Variants in AKAP12 observed in about 807,000 individuals in gnomAD.
AKAP12 encodes the protein A-kinase anchoring protein 12, also known as A-kinase anchor protein 12.
A neutral mutation model predicts 79.9 loss-of-function variants in AKAP12; 32 were observed. The ratio of observed to expected loss-of-function variants is 0.40; its 90% CI spans 0.30 to 0.54. The LOEUF is 0.54. AKAP12 is among the 20% of genes least tolerant of loss of function. The pLI, the probability that AKAP12 is intolerant of heterozygous loss-of-function variation, is 0.48. For synonymous variants in AKAP12, 808 were observed against 857.0 expected, an observed-to-expected ratio of 0.94 and a Z score of 1.00; for missense variants, 2,074 against 2,177.0, an observed-to-expected ratio of 0.95 and a Z score of 0.94.
At chr6:151,332,041 T>G (rs1013186803) in intron 3 of AKAP12, among the ~76,000 whole-genome samples, 17 of 140,352 alleles carry the variant, frequency 1.2e-4, no homozygotes, top group South Asian at 2.4e-4. Flanking sequence ...CTGTTTTTTT[T>G]TTTTTTTTTT....
chr6:151,332,351 T>C (rs1254576480), intron 3 of AKAP12, among the ~76,000 whole-genome samples: 2 of 152,168 alleles, frequency 1.3e-5, no homozygotes, highest in Admixed American at 1.3e-4. Flanking sequence ...CTGCATCTTA[T>C]ATGCACTATA....
intron 2 of AKAP12, among the ~76,000 whole-genome samples, chr6:151,266,212 A>T (rs1776007393): frequency 6.6e-6 from 1 of 152,256 alleles, no homozygotes; most frequent in Admixed American, 6.5e-5. Flanking sequence ...AATGATTTAA[A>T]AAGTTAAAAG....
At position 151,358,044 on chromosome 6, in the gene AKAP12, CT is replaced by C. The variant is rs1718500743; in HGVS notation, c.*2331del. On this transcript the variant is annotated 3_prime_UTR_variant, in exon 5 of 5. Transcript: ENST00000402676. ...TATCTGGATGTGCCCAGAGTTACTTCTGTACAAGCTCTGTATCTATGTCCGT... is the reference window on the plus strand; with the variant it reads ...TATCTGGATGTGCCCAGAGTTACTTCGTACAAGCTCTGTATCTATGTCCGT... The C allele has an allele frequency of 6.6e-6, 1 of 152,160 alleles. No homozygotes were observed. Among genetic ancestry groups the C allele is most frequent in the African/African-American group, 2.4e-5 (1 of 41,422 alleles). The allele number at this position is 152,160 out of a possible 1,614,324, so 9.4% of individuals were successfully genotyped here. A position where few individuals can be genotyped will look rare whatever the true frequency, so the allele number is the denominator to read the frequency against.
At chr6:151,259,538 A>G (rs563079210) in intron 2 of AKAP12, among the ~76,000 whole-genome samples, 1 of 146,278 alleles carries the variant, frequency 6.8e-6, no homozygotes, top group South Asian at 2.2e-4. Context: ...ACACACACAC[A>G]CACACACGTT....
chr6:151,339,302 CTG>C (rs750779283), intron 3 of AKAP12, among the ~76,000 whole-genome samples: 5 of 152,212 alleles, frequency 3.3e-5, no homozygotes, highest in Admixed American at 1.3e-4. Flanking sequence ...AAAAGACAAA[CTG>C]TGTATTTTGC....
chr6:151,320,646 G>C (rs1164112734), intron 3 of AKAP12, among the ~76,000 whole-genome samples: 2 of 151,874 alleles, frequency 1.3e-5, no homozygotes, highest in Non-Finnish European at 2.9e-5. Flanking sequence ...TCATCTTGTG[G>C]GCACCGTGAC....
At chr6:151,258,769 C>G (rs888128792) in intron 2 of AKAP12, among the ~76,000 whole-genome samples, 5 of 151,532 alleles carry the variant, frequency 3.3e-5, no homozygotes, top group Non-Finnish European at 5.9e-5. Context: ...GCTGGGCTTA[C>G]AGGTGTGTGC....
At chr6:151,339,409 G>A (rs55702615) in intron 3 of AKAP12, among the ~76,000 whole-genome samples, 8,896 of 152,250 alleles carry the variant, frequency 0.058, 376 homozygotes, top group East Asian at 0.14. Flanking sequence ...TCATATGACC[G>A]TTTTTAAAAA....
At chr6:151,341,825 A>G in intron 3 of AKAP12, 1 of 1,281,872 alleles carries the variant, frequency 7.8e-7, no homozygotes, top group Non-Finnish European at 1.0e-6. Context: ...TTCCCGTCCC[A>G]GGCTTGGGAA....
chr6:151,352,666 A>G lies in AKAP12; in HGVS notation c.4275A>G (p.Ala1425=). 1 of 1,614,248 alleles carries G rather than the reference A, an allele frequency of 6.2e-7. No homozygotes were observed. Among genetic ancestry groups the G allele is most frequent in the South Asian group, 1.1e-5 (1 of 91,084 alleles). ...CATCATTCACTCTAACAGCGGCTGC[A>G]GAGGAGGAAAAGGTCTTAGGAGAAA... is the stretch of plus-strand genomic sequence containing the variant. ...SEASFTLTAA[A]EEEKVLGETA... Residue 1425 remains alanine (A), a synonymous_variant, in exon 4 of 5, where the codon GCA becomes GCG. Transcript: ENST00000402676.
chr6:151,283,697 A>T (rs1348064248), intron 2 of AKAP12, among the ~76,000 whole-genome samples: 1 of 152,224 alleles, frequency 6.6e-6, no homozygotes, highest in Non-Finnish European at 1.5e-5. Context: ...AATGCCTAAG[A>T]GAGGGAGAGA....
At chr6:151,320,992 C>CTTTCT (rs1554329522) in intron 3 of AKAP12, among the ~76,000 whole-genome samples, 12 of 145,860 alleles carry the variant, frequency 8.2e-5, no homozygotes, top group South Asian at 2.2e-4. Context: ...TTCTTTCTTT[C>CTTTCT]TTTTTTTTTT....
chr6:151,305,313 TTCAG>T (rs1411635818), intron 2 of AKAP12, among the ~76,000 whole-genome samples: 2 of 152,228 alleles, frequency 1.3e-5, no homozygotes, highest in African/African-American at 4.8e-5. Context: ...TTCTGACTTG[TTCAG>T]TCAATTATGC....
At chr6:151,259,977 A>G (rs1797391558) in intron 2 of AKAP12, among the ~76,000 whole-genome samples, 1 of 151,950 alleles carries the variant, frequency 6.6e-6, no homozygotes, top group African/African-American at 2.4e-5. Flanking sequence ...AATTTGGGGC[A>G]TTCCACCTGT....
chr6:151,333,889 G>T (rs1459614098), intron 3 of AKAP12, among the ~76,000 whole-genome samples: 3 of 152,130 alleles, frequency 2.0e-5, no homozygotes, highest in Non-Finnish European at 2.9e-5. Context: ...TGGGGAAAGC[G>T]AAAAAAGTGA....
At position 151,342,621 on chromosome 6, in the gene AKAP12, G is replaced by T. The variant is rs1182571458; in HGVS notation, c.320-6090G>T. 4.6e-5 allele frequency among the ~76,000 whole-genome samples: 7 copies of T among 152,274 alleles called. No individual in the cohort carries two copies. The East Asian group carries it at 1.2e-3, about 25-fold the overall frequency. On this transcript the variant is annotated intron_variant, in intron 3 of 4. Transcript: ENST00000402676. ...AATTGTAGCTCTTAGGATTACTTAT[G>T]TTAAAAGAGACTGCAGACTAGTTGA...
intron 3 of AKAP12, among the ~76,000 whole-genome samples, chr6:151,319,475 ATCTATCTATC>A (rs1486529542): frequency 1.5e-4 from 21 of 141,378 alleles, no homozygotes; most frequent in African/African-American, 4.5e-4. Flanking sequence ...CTATCTATCT[ATCTATCTATC>A]TACTATCTAT....
chr6:151,352,906 C>G lies in AKAP12; in HGVS notation c.4515C>G (p.Thr1505=), dbSNP rs1221086707. ...GLSSDLEGEK[T]TSLKWKSDEV... ...GTTCCGACCTGGAAGGAGAGAAAAC[C>G]ACATCACTGAAGTGGAAGTCAGATG... The change falls in exon 4 of 5, where the codon ACC becomes ACG. Residue 1505 remains threonine, a synonymous_variant. Coordinates refer to ENST00000402676, the MANE Select transcript of AKAP12 (RefSeq NM_005100.4). The G allele has an allele frequency of 1.2e-6, 2 of 1,614,008 alleles. No individual in the cohort carries two copies. Among genetic ancestry groups the G allele is most frequent in the Non-Finnish European group, 1.7e-6 (2 of 1,180,050 alleles).
chr6:151,346,290 C>T (rs1210000509), intron 3 of AKAP12, among the ~76,000 whole-genome samples: 1 of 152,134 alleles, frequency 6.6e-6, no homozygotes, highest in African/African-American at 2.4e-5. Context: ...TTTAAAATTA[C>T]AAACCCGGAA....
Sources: gnomAD v4.1 joint callset for allele counts (sites outside exome capture counted in the v4.1 genomes callset) on GRCh38, gnomAD v4.1.1 for gene constraint, MANE v1.5 for transcripts, NCBI Gene and HGNC (gene_info 2026-07-23, HGNC 2026-07-21) for gene names.